Variants in CNTNAP5 observed in about 807,000 individuals in gnomAD.
CNTNAP5 encodes contactin-associated protein-like 5.
A neutral mutation model predicts 150.2 loss-of-function variants in CNTNAP5; 72 were observed. The ratio of observed to expected loss-of-function variants is 0.48; its 90% CI spans 0.40 to 0.58. The LOEUF (loss-of-function observed/expected upper bound fraction) is 0.58, where lower values mean the gene tolerates loss of function less well. Among genes scored for constraint, CNTNAP5 ranks in the 20% least tolerant of loss-of-function variants. The pLI is 0.00. For missense variants in CNTNAP5, 1,636 were observed against 1,626.2 expected, an observed-to-expected ratio of 1.01 and a Z score of -0.10; for synonymous variants, 672 against 619.8, an observed-to-expected ratio of 1.08 and a Z score of -1.25.
chr2:124,275,374 A>T (rs1010403253), intron 3 of CNTNAP5, among the ~76,000 whole-genome samples: 1 of 152,122 alleles, frequency 6.6e-6, no homozygotes, highest in South Asian at 2.1e-4. Context: ...TAATTCCATT[A>T]CCCTAAACCT....
chr2:124,578,434 T>C (rs1307692355), intron 11 of CNTNAP5, among the ~76,000 whole-genome samples: 1 of 150,774 alleles, frequency 6.6e-6, no homozygotes, highest in Non-Finnish European at 1.5e-5. Flanking sequence ...CTCAAAAGGG[T>C]CTCCCCACAG....
At chr2:124,539,328 G>A (rs1695322847) in intron 10 of CNTNAP5, among the ~76,000 whole-genome samples, 1 of 152,172 alleles carries the variant, frequency 6.6e-6, no homozygotes, top group Non-Finnish European at 1.5e-5. Flanking sequence ...TGATACTTCT[G>A]CATCTGTATC....
chr2:124,450,535 A>G (rs1462508939), intron 6 of CNTNAP5, among the ~76,000 whole-genome samples: 1 of 147,436 alleles, frequency 6.8e-6, no homozygotes, highest in African/African-American at 2.5e-5. Context: ...CAAACAGACA[A>G]GAGCTCACAG....
At chr2:124,295,044 T>C (rs1180272787) in intron 3 of CNTNAP5, among the ~76,000 whole-genome samples, 1 of 151,930 alleles carries the variant, frequency 6.6e-6, no homozygotes, top group Non-Finnish European at 1.5e-5. Context: ...AGGCGGAGGT[T>C]GTAGTGAGCG....
intron 6 of CNTNAP5, among the ~76,000 whole-genome samples, chr2:124,460,328 G>T (rs1693216659): frequency 6.6e-6 from 1 of 152,102 alleles, no homozygotes; most frequent in Non-Finnish European, 1.5e-5. Flanking sequence ...ATCCAGAAAA[G>T]TACTTTAAGA....
intron 3 of CNTNAP5, among the ~76,000 whole-genome samples, chr2:124,260,233 C>T (rs1006294727): frequency 1.3e-5 from 2 of 152,136 alleles, no homozygotes; most frequent in Non-Finnish European, 2.9e-5. Flanking sequence ...AAATCTCTCA[C>T]TTTGACAAAC....
intron 3 of CNTNAP5, among the ~76,000 whole-genome samples, chr2:124,245,107 C>T (rs184444124): frequency 6.6e-6 from 1 of 152,250 alleles, no homozygotes; most frequent in East Asian, 1.9e-4. Flanking sequence ...CAAGCCAACT[C>T]TTTAAGAATA....
intron 12 of CNTNAP5, among the ~76,000 whole-genome samples, chr2:124,631,299 G>T (rs1677855482): frequency 6.6e-6 from 1 of 152,082 alleles, no homozygotes; most frequent in Admixed American, 6.6e-5. Context: ...AAAGCTGGAG[G>T]TATCATGCTA....
intron 1 of CNTNAP5, among the ~76,000 whole-genome samples, chr2:124,058,752 A>G (rs1681924212): frequency 6.6e-6 from 1 of 152,164 alleles, no homozygotes; most frequent in Admixed American, 6.6e-5. Flanking sequence ...GATGTCTACC[A>G]GTTGTCTTCT....
intron 8 of CNTNAP5, among the ~76,000 whole-genome samples, chr2:124,506,035 G>A (rs1185312594): frequency 6.6e-6 from 1 of 152,114 alleles, no homozygotes; most frequent in Non-Finnish European, 1.5e-5. Context: ...TGACTTAATA[G>A]TTGTCGACCT....
intron 4 of CNTNAP5, among the ~76,000 whole-genome samples, chr2:124,420,189 C>G (rs145154419): frequency 0.013 from 2,014 of 151,602 alleles, 37 homozygotes; most frequent in African/African-American, 0.045. Flanking sequence ...TGGAGTTTCA[C>G]CATGTTGGCC....
intron 19 of CNTNAP5, among the ~76,000 whole-genome samples, chr2:124,803,989 A>C (rs1377997613): frequency 6.6e-6 from 1 of 152,324 alleles, no homozygotes. Context: ...TGGAAGGATT[A>C]TTTTGACAGC....
At chr2:124,310,848 G>C (rs1220985002) in intron 3 of CNTNAP5, among the ~76,000 whole-genome samples, 4 of 152,186 alleles carry the variant, frequency 2.6e-5, no homozygotes, top group African/African-American at 9.6e-5. Context: ...AGGTGGCAGA[G>C]GGAGACCCAC....
At chr2:124,668,593 C>T (rs1465034034) in intron 13 of CNTNAP5, among the ~76,000 whole-genome samples, 2 of 152,086 alleles carry the variant, frequency 1.3e-5, no homozygotes, top group East Asian at 1.9e-4. Context: ...TGCAGGAATT[C>T]TCAAGGTATG....
intron 17 of CNTNAP5, among the ~76,000 whole-genome samples, chr2:124,786,937 C>T (rs1681611703): frequency 1.3e-5 from 2 of 152,256 alleles, no homozygotes; most frequent in South Asian, 4.2e-4. Context: ...GTTCACTGTG[C>T]AATTGAGTTC....
chr2:124,621,906 C>A (rs922252664), intron 12 of CNTNAP5, among the ~76,000 whole-genome samples: 1 of 152,192 alleles, frequency 6.6e-6, no homozygotes, highest in Non-Finnish European at 1.5e-5. Context: ...CAATTTGGTA[C>A]TGGTATCTCC....
intron 5 of CNTNAP5, among the ~76,000 whole-genome samples, chr2:124,444,607 C>A (rs1239381777): frequency 1.3e-5 from 2 of 151,936 alleles, no homozygotes; most frequent in African/African-American, 4.8e-5. Context: ...TCAAAACAAA[C>A]AAACAAACAA....
intron 8 of CNTNAP5, among the ~76,000 whole-genome samples, chr2:124,510,301 C>CTATATATATATCTATATATATA (rs1694538596): frequency 9.4e-6 from 1 of 106,056 alleles, no homozygotes; most frequent in Non-Finnish European, 1.8e-5. Flanking sequence ...ATCTATATAT[C>CTATATATATATCTATATATATA]TATATATATA....
chr2:124,394,442 AGAG>A (rs1415107531), intron 3 of CNTNAP5, among the ~76,000 whole-genome samples: 2 of 152,272 alleles, frequency 1.3e-5, no homozygotes, highest in African/African-American at 4.8e-5. Flanking sequence ...GAGCATGAAA[AGAG>A]GAGAGACAGG....
Sources: gnomAD v4.1 joint callset for allele counts (sites outside exome capture counted in the v4.1 genomes callset) on GRCh38, gnomAD v4.1.1 for gene constraint, MANE v1.5 for transcripts, NCBI Gene and HGNC (gene_info 2026-07-23, HGNC 2026-07-21) for gene names.